TRPC4: variants seen among roughly 807,000 people sequenced by gnomAD.
TRPC4 encodes transient receptor potential cation channel subfamily C member 4, also known as short transient receptor potential channel 4.
In TRPC4, 49 loss-of-function variants were observed where a neutral mutation model predicts 99.4. That is an observed-to-expected ratio of 0.49 (90% CI 0.39 to 0.63). TRPC4 has a LOEUF of 0.63. TRPC4 is among the 20% of genes least tolerant of loss of function. The pLI is 0.00. For synonymous variants in TRPC4, 454 were observed against 425.9 expected, an observed-to-expected ratio of 1.07 and a Z score of -0.81; for missense variants, 898 against 1,152.9, an observed-to-expected ratio of 0.78 and a Z score of 3.20.
chr13:37,850,358 G>C (rs1435068608), intron 1 of TRPC4, among the ~76,000 whole-genome samples: 1 of 152,174 alleles, frequency 6.6e-6, no homozygotes, highest in Non-Finnish European at 1.5e-5. Flanking sequence ...TCAGTTACAA[G>C]TAATTTGTGC....
intron 1 of TRPC4, among the ~76,000 whole-genome samples, chr13:37,828,256 G>C (rs990687656): frequency 2.6e-5 from 4 of 152,190 alleles, no homozygotes; most frequent in Non-Finnish European, 5.9e-5. Context: ...GCTGGGAGCT[G>C]TAGACCGGAG....
chr13:37,852,165 C>CT (rs1193236068), intron 1 of TRPC4, among the ~76,000 whole-genome samples: 1 of 152,116 alleles, frequency 6.6e-6, no homozygotes, highest in African/African-American at 2.4e-5. Flanking sequence ...TGAAGAAGAG[C>CT]TTATGCCATC....
chr13:37,737,634 C>A, intron 3 of TRPC4, among the ~76,000 whole-genome samples: 1 of 152,022 alleles, frequency 6.6e-6, no homozygotes, highest in East Asian at 1.9e-4. Context: ...CCACCATGCC[C>A]AGCTAAATTT....
chr13:37,775,605 T>A (rs1006889593), intron 2 of TRPC4, among the ~76,000 whole-genome samples: 1 of 151,646 alleles, frequency 6.6e-6, no homozygotes, highest in Non-Finnish European at 1.5e-5. Flanking sequence ...ATCTAAATAT[T>A]TCTCTCTCTA....
chr13:37,772,186 C>T (rs540328245), intron 2 of TRPC4, among the ~76,000 whole-genome samples: 6 of 151,804 alleles, frequency 4.0e-5, no homozygotes, highest in African/African-American at 1.4e-4. Context: ...TTCTCTCTCA[C>T]ACACACAGTT....
intron 1 of TRPC4, among the ~76,000 whole-genome samples, chr13:37,798,420 T>G (rs1327578964): frequency 6.6e-6 from 1 of 152,150 alleles, no homozygotes; most frequent in Non-Finnish European, 1.5e-5. Flanking sequence ...ATTAACTTCA[T>G]AAACAATTAC....
chr13:37,637,741 T>C, intron 10 of TRPC4, 116 bp from the exon 11 acceptor site: 1 of 996,414 alleles, frequency 1.0e-6, no homozygotes, highest in Non-Finnish European at 1.4e-6. Context: ...ACAAGGATTC[T>C]ACTCTACTGT....
At chr13:37,851,434 T>C (rs1225152447) in intron 1 of TRPC4, among the ~76,000 whole-genome samples, 2 of 152,206 alleles carry the variant, frequency 1.3e-5, no homozygotes, top group Non-Finnish European at 2.9e-5. Context: ...CTAAATATGA[T>C]ATTCAAGAAT....
chr13:37,802,647 A>G (rs1408708548), intron 1 of TRPC4, among the ~76,000 whole-genome samples: 1 of 152,070 alleles, frequency 6.6e-6, no homozygotes, highest in Non-Finnish European at 1.5e-5. Context: ...AGCTTTGTTC[A>G]TGGTCTTCTA....
intron 4 of TRPC4, among the ~76,000 whole-genome samples, chr13:37,677,944 C>T (rs934014643): frequency 6.6e-6 from 1 of 152,058 alleles, no homozygotes; most frequent in Non-Finnish European, 1.5e-5. Flanking sequence ...GACTACAACA[C>T]AAATAAACAA....
intron 8 of TRPC4, among the ~76,000 whole-genome samples, chr13:37,644,880 A>G (rs1439347587): frequency 4.0e-5 from 6 of 150,790 alleles, no homozygotes; most frequent in African/African-American, 1.5e-4. Context: ...CTCAAAAAAA[A>G]AAAAAAAAAA....
intron 3 of TRPC4, among the ~76,000 whole-genome samples, chr13:37,721,366 C>A (rs1469440586): frequency 6.6e-6 from 1 of 151,986 alleles, no homozygotes; most frequent in Non-Finnish European, 1.5e-5. Flanking sequence ...TAAAATTATT[C>A]CCAAGGGATG....
intron 6 of TRPC4, among the ~76,000 whole-genome samples, chr13:37,656,462 T>C (rs558414943): frequency 1.3e-5 from 2 of 152,268 alleles, no homozygotes; most frequent in African/African-American, 2.4e-5. Context: ...CATTGTCCCC[T>C]GTATGCCCTT....
At chr13:37,738,699 G>A (rs1955482801) in intron 3 of TRPC4, among the ~76,000 whole-genome samples, 1 of 152,142 alleles carries the variant, frequency 6.6e-6, no homozygotes, top group Admixed American at 6.5e-5. Context: ...GTCAAGAGAT[G>A]CCTGATATAA....
intron 2 of TRPC4, among the ~76,000 whole-genome samples, chr13:37,746,859 T>C (rs1317935367): frequency 6.6e-6 from 1 of 152,164 alleles, no homozygotes. Context: ...ATGATTTGTT[T>C]TAAACCCAAG....
intron 7 of TRPC4, among the ~76,000 whole-genome samples, chr13:37,653,555 G>A (rs1455528567): frequency 6.6e-6 from 1 of 152,110 alleles, no homozygotes; most frequent in Non-Finnish European, 1.5e-5. Flanking sequence ...CTTCATGCAT[G>A]GAGTCCTGGG....
At chr13:37,866,041 G>A (rs1378654929) in intron 1 of TRPC4, among the ~76,000 whole-genome samples, 1 of 151,444 alleles carries the variant, frequency 6.6e-6, no homozygotes, top group Non-Finnish European at 1.5e-5. Context: ...ACTCTTGATA[G>A]TATTTGCTTG....
chr13:37,654,400 T>C (rs1048123081), intron 7 of TRPC4, among the ~76,000 whole-genome samples: 2 of 152,150 alleles, frequency 1.3e-5, no homozygotes, highest in African/African-American at 4.8e-5. Flanking sequence ...ATATCACTAG[T>C]ATATAAGTTC....
At chr13:37,735,283 A>T (rs1955361700) in intron 3 of TRPC4, among the ~76,000 whole-genome samples, 1 of 152,130 alleles carries the variant, frequency 6.6e-6, no homozygotes, top group Admixed American at 6.6e-5. Context: ...AAATCAACAA[A>T]AGTTTCTTGC....
Sources: gnomAD v4.1 joint callset for allele counts (sites outside exome capture counted in the v4.1 genomes callset) on GRCh38, gnomAD v4.1.1 for gene constraint, MANE v1.5 for transcripts, NCBI Gene and HGNC (gene_info 2026-07-23, HGNC 2026-07-21) for gene names.